GNB1: variants seen among roughly 807,000 people sequenced by gnomAD.
The protein encoded by GNB1 is guanine nucleotide-binding protein G(I)/G(S)/G(T) subunit beta-1.
Under a neutral mutation model 42.9 loss-of-function variants are expected in GNB1, and 2 were observed. That is an observed-to-expected ratio of 0.05 (90% CI 0.02 to 0.15). The LOEUF (loss-of-function observed/expected upper bound fraction) is 0.15. Among genes scored for constraint, GNB1 ranks in the 10% least tolerant of loss-of-function variants. The pLI, the probability that GNB1 is intolerant of heterozygous loss-of-function variation, is 1.00. For missense variants in GNB1, 193 were observed against 462.2 expected, an observed-to-expected ratio of 0.42 and a Z score of 5.34; for synonymous variants, 183 against 174.7, an observed-to-expected ratio of 1.05 and a Z score of -0.38.
intron 7 of GNB1, among the ~76,000 whole-genome samples, chr1:1,798,284 C>CA (rs905272496): frequency 2.0e-5 from 3 of 152,216 alleles, no homozygotes; most frequent in African/African-American, 7.2e-5. Flanking sequence ...TCCCAGTCAC[C>CA]AGCTGCCCTG....
intron 1 of GNB1, among the ~76,000 whole-genome samples, chr1:1,886,899 G>A (rs1479303221): frequency 2.6e-5 from 4 of 152,050 alleles, no homozygotes; most frequent in Non-Finnish European, 4.4e-5. Flanking sequence ...AATTTTAGTA[G>A]AGAAGGGGTT....
chr1:1,882,373 A>AGCC (rs1403500803), intron 1 of GNB1, among the ~76,000 whole-genome samples: 2 of 143,162 alleles, frequency 1.4e-5, no homozygotes, highest in African/African-American at 5.3e-5. Flanking sequence ...GGTTGCAGTG[A>AGCC]GCCGAAATCG....
At chr1:1,843,820 G>A (rs1647459924) in intron 1 of GNB1, among the ~76,000 whole-genome samples, 1 of 152,122 alleles carries the variant, frequency 6.6e-6, no homozygotes, top group South Asian at 2.1e-4. Context: ...AGTGCTTTGG[G>A]AGGCCGAGGC....
intron 1 of GNB1, among the ~76,000 whole-genome samples, chr1:1,866,359 C>T (rs144761801): frequency 6.6e-5 from 10 of 152,350 alleles, no homozygotes; most frequent in African/African-American, 2.2e-4. Context: ...ACAAGTCAAT[C>T]AAATGATACC....
chr1:1,822,643 G>C (rs964160368), intron 3 of GNB1, among the ~76,000 whole-genome samples: 1 of 152,124 alleles, frequency 6.6e-6, no homozygotes, highest in Non-Finnish European at 1.5e-5. Flanking sequence ...GTGGCAACAA[G>C]AGCATGTGGG....
At chr1:1,810,648 G>A (rs1195697004) in intron 5 of GNB1, among the ~76,000 whole-genome samples, 1 of 151,502 alleles carries the variant, frequency 6.6e-6, no homozygotes. Flanking sequence ...TAATCATTGT[G>A]GGCCTTGCAT....
intron 5 of GNB1, among the ~76,000 whole-genome samples, chr1:1,809,926 C>G (rs1422009285): frequency 6.6e-6 from 1 of 152,128 alleles, no homozygotes; most frequent in African/African-American, 2.4e-5. Context: ...ATCAAAACAC[C>G]TAATGCCCTT....
At chr1:1,788,415 G>C (rs1187369705) in intron 10 of GNB1, 2 of 154,454 alleles carry the variant, frequency 1.3e-5, no homozygotes, top group Non-Finnish European at 2.9e-5. Context: ...CACTGTGACT[G>C]TGAGACTTGG....
chr1:1,791,332 C>T (rs2100516739), intron 8 of GNB1, among the ~76,000 whole-genome samples: 1 of 152,084 alleles, frequency 6.6e-6, no homozygotes, highest in East Asian at 1.9e-4. Flanking sequence ...CCACCATGCC[C>T]GGCTAATTTT....
intron 7 of GNB1, among the ~76,000 whole-genome samples, chr1:1,799,590 C>T (rs1646597119): frequency 6.6e-6 from 1 of 152,148 alleles, no homozygotes; most frequent in Non-Finnish European, 1.5e-5. Context: ...GCCAGGGGCT[C>T]CTATCTGTAG....
chr1:1,794,576 C>T (rs1646522353), intron 7 of GNB1, among the ~76,000 whole-genome samples: 1 of 152,142 alleles, frequency 6.6e-6, no homozygotes, highest in African/African-American at 2.4e-5. Flanking sequence ...AGTCATGCGA[C>T]ACTGCGTGAA....
At chr1:1,875,603 G>A (rs1649497704) in intron 1 of GNB1, among the ~76,000 whole-genome samples, 1 of 152,116 alleles carries the variant, frequency 6.6e-6, no homozygotes, top group Non-Finnish European at 1.5e-5. Flanking sequence ...CAAACTCCTG[G>A]GCTCAAGTGA....
intron 3 of GNB1, among the ~76,000 whole-genome samples, chr1:1,819,788 C>G (rs1646907068): frequency 1.3e-5 from 2 of 151,178 alleles, no homozygotes; most frequent in South Asian, 4.2e-4. Context: ...AATGATCCTT[C>G]CCCCTTGGCC....
chr1:1,849,632 G>T (rs970590881), intron 1 of GNB1, among the ~76,000 whole-genome samples: 3 of 151,970 alleles, frequency 2.0e-5, no homozygotes, highest in Non-Finnish European at 4.4e-5. Flanking sequence ...AAACTCCTGG[G>T]CTCAAGTGAG....
At chr1:1,865,867 A>G (rs1648908414) in intron 1 of GNB1, among the ~76,000 whole-genome samples, 1 of 152,210 alleles carries the variant, frequency 6.6e-6, no homozygotes, top group South Asian at 2.1e-4. Context: ...CGAATTTTCC[A>G]AAAAATAAAG....
chr1:1,793,361 C>G lies in GNB1; in HGVS notation c.431-50G>C, dbSNP rs376397856. On this transcript the variant is annotated intron_variant, in intron 7 of 11. Transcript: ENST00000378609. Reference sequence around the variant, plus strand: ...TGAGCTGAATCCAGCAGGCCTTGCACCCAGCCTCATACATAGAGAAACACA... The same window carrying G: ...TGAGCTGAATCCAGCAGGCCTTGCAGCCAGCCTCATACATAGAGAAACACA... 4.6e-6 allele frequency: 6 copies of G among 1,299,776 alleles called. No individual in the cohort carries two copies. In the African/African-American group the frequency reaches 8.7e-5, roughly 19 times the overall value. The allele number at this position is 1,299,776 out of a possible 1,614,324, so 80.5% of individuals were successfully genotyped here.
intron 1 of GNB1, among the ~76,000 whole-genome samples, chr1:1,852,395 A>AT (rs1487084954): frequency 1.3e-5 from 2 of 151,642 alleles, no homozygotes; most frequent in Non-Finnish European, 2.9e-5. Context: ...CGCCTGGCTA[A>AT]TTTTTTTTGT....
At chr1:1,863,660 G>C (rs1361784963) in intron 1 of GNB1, among the ~76,000 whole-genome samples, 2 of 152,166 alleles carry the variant, frequency 1.3e-5, no homozygotes, top group Non-Finnish European at 2.9e-5. Flanking sequence ...TCCACAAATA[G>C]CTCATTTTGA....
At chr1:1,886,628 A>G (rs1184208036) in intron 1 of GNB1, among the ~76,000 whole-genome samples, 1 of 152,204 alleles carries the variant, frequency 6.6e-6, no homozygotes, top group African/African-American at 2.4e-5. Context: ...CACTTAACTG[A>G]ATTGCCTACT....
Sources: allele counts gnomAD v4.1 joint callset (sites outside exome capture counted in the v4.1 genomes callset), GRCh38; gene constraint gnomAD v4.1.1; transcripts MANE v1.5; gene names NCBI Gene and HGNC (gene_info 2026-07-23, HGNC 2026-07-21).